The following HECTD2 variants were observed in gnomAD, a reference collection of about 807,000 sequenced individuals.
HECTD2 encodes HECT domain E3 ubiquitin protein ligase 2.
A neutral mutation model predicts 103.2 loss-of-function variants in HECTD2; 35 were observed. The ratio of observed to expected loss-of-function variants is 0.34; its 90% CI spans 0.26 to 0.45. The LOEUF (loss-of-function observed/expected upper bound fraction) is 0.45, where lower values mean the gene tolerates loss of function less well. Among genes scored for constraint, HECTD2 ranks in the 20% least tolerant of loss-of-function variants. The pLI is 1.00. For synonymous variants in HECTD2, 281 were observed against 329.9 expected, an observed-to-expected ratio of 0.85 and a Z score of 1.61; for missense variants, 596 against 937.4, an observed-to-expected ratio of 0.64 and a Z score of 4.76.
chr10:91,450,748 C>G (rs955477847), intron 2 of HECTD2, among the ~76,000 whole-genome samples: 8 of 151,590 alleles, frequency 5.3e-5, no homozygotes, highest in African/African-American at 1.5e-4. Context: ...GACATTTATG[C>G]AGCCAACAAA....
At chr10:91,431,500 G>A (rs982979058) in intron 2 of HECTD2, among the ~76,000 whole-genome samples, 47 of 152,030 alleles carry the variant, frequency 3.1e-4, no homozygotes, top group African/African-American at 7.2e-4. Flanking sequence ...CATTCTCCCC[G>A]TCACTTTCAG....
At chr10:91,433,719 G>T (rs191690811) in intron 2 of HECTD2, among the ~76,000 whole-genome samples, 1 of 151,870 alleles carries the variant, frequency 6.6e-6, no homozygotes, top group Non-Finnish European at 1.5e-5. Flanking sequence ...TGGGGTTGTT[G>T]GGCCCAGGAG....
At chr10:91,463,147 A>G (rs1415465948) in intron 5 of HECTD2, 1 of 152,114 alleles carries the variant, frequency 6.6e-6, no homozygotes, top group Non-Finnish European at 1.5e-5. Flanking sequence ...AAGCTTAACT[A>G]CTAATAACCT....
chr10:91,418,779 T>C (rs1843234110), intron 1 of HECTD2, among the ~76,000 whole-genome samples: 1 of 152,146 alleles, frequency 6.6e-6, no homozygotes, highest in Admixed American at 6.6e-5. Context: ...ATGGCTCTGA[T>C]TGGTAGTTTA....
At chr10:91,473,951 T>G (rs1362588190) in intron 5 of HECTD2, among the ~76,000 whole-genome samples, 1 of 152,144 alleles carries the variant, frequency 6.6e-6, no homozygotes, top group Non-Finnish European at 1.5e-5. Flanking sequence ...CAACTGTATT[T>G]ATGTGTCACC....
intron 11 of HECTD2, 22 bp from the exon 12 acceptor site, chr10:91,491,178 G>T (rs767268111): frequency 4.8e-6 from 6 of 1,250,236 alleles, no homozygotes; most frequent in Non-Finnish European, 7.0e-6. Flanking sequence ...AAGCAAAACT[G>T]TTTACTTTCT....
intron 20 of HECTD2, among the ~76,000 whole-genome samples, chr10:91,511,663 G>A (rs1029068899): frequency 2.0e-5 from 3 of 152,038 alleles, no homozygotes; most frequent in African/African-American, 2.4e-5. Context: ...TTCCTTGCAC[G>A]TGCAGTTCAC....
chr10:91,410,209 G>C (rs1450383442), upstream of HECTD2: 1 of 152,002 alleles, frequency 6.6e-6, no homozygotes, highest in Non-Finnish European at 1.5e-5. Context: ...GCGAGAGCAA[G>C]AAACCTGTGG....
intron 1 of HECTD2, 81 bp downstream of exon 1, chr10:91,410,657 GGCC>G: frequency 7.9e-7 from 1 of 1,262,326 alleles, no homozygotes; most frequent in African/African-American, 1.6e-5. Flanking sequence ...GCCGTCAGGA[GGCC>G]TGCGTTTACC....
chr10:91,427,096 C>G (rs1288753041), intron 2 of HECTD2, among the ~76,000 whole-genome samples: 1 of 145,282 alleles, frequency 6.9e-6, no homozygotes, highest in Non-Finnish European at 1.5e-5. Context: ...TGAGAACATG[C>G]GGTGTTTGGT....
intron 5 of HECTD2, among the ~76,000 whole-genome samples, chr10:91,473,870 T>G (rs1168038450): frequency 6.6e-6 from 1 of 151,902 alleles, no homozygotes; most frequent in African/African-American, 2.4e-5. Context: ...TTTGGGGGAG[T>G]CAAAAGTTAT....
intron 2 of HECTD2, among the ~76,000 whole-genome samples, chr10:91,439,358 G>C (rs1228119710): frequency 6.6e-6 from 1 of 152,058 alleles, no homozygotes; most frequent in Non-Finnish European, 1.5e-5. Flanking sequence ...GATTGTTTTT[G>C]TCAGATTTGT....
chr10:91,452,738 T>C (rs1019637648), intron 2 of HECTD2, among the ~76,000 whole-genome samples: 5 of 152,162 alleles, frequency 3.3e-5, no homozygotes, highest in Non-Finnish European at 5.9e-5. Context: ...AAAAAGGCAT[T>C]GAAATAACAG....
At chr10:91,473,697 T>C (rs1845808372) in intron 5 of HECTD2, among the ~76,000 whole-genome samples, 1 of 152,222 alleles carries the variant, frequency 6.6e-6, no homozygotes, top group African/African-American at 2.4e-5. Flanking sequence ...TTGCTTCCAC[T>C]TAATAAACAG....
intron 2 of HECTD2, among the ~76,000 whole-genome samples, chr10:91,436,535 A>T (rs1018932757): frequency 3.9e-5 from 6 of 152,040 alleles, no homozygotes; most frequent in African/African-American, 1.4e-4. Context: ...TAGTTTTTAT[A>T]ACCTCATCTG....
Position 91,478,127 on chromosome 10 carries a change from G to A in HECTD2, c.601-74G>A. On this transcript the variant is annotated intron_variant, in intron 5 of 20. Transcript: ENST00000298068. ...TGATTTTAACTATTGAAACAGATCT[G>A]TAAATATAATTAACATATAAACGTC... is the stretch of plus-strand genomic sequence containing the variant. The A allele has an allele frequency of 5.2e-6, 5 of 963,126 alleles. No homozygotes were observed. The South Asian group carries it at 5.4e-5, about 10-fold the overall frequency. The allele number at this position is 963,126 out of a possible 1,614,324, so 59.7% of individuals were successfully genotyped here. A position where few individuals can be genotyped will look rare whatever the true frequency, so the allele number is the denominator to read the frequency against.
intron 15 of HECTD2, 24 bp downstream of exon 15, chr10:91,496,396 T>G: frequency 6.4e-7 from 1 of 1,556,384 alleles, no homozygotes; most frequent in Non-Finnish European, 8.8e-7. Context: ...TATTAATATC[T>G]TGTCCTTTAA....
chr10:91,428,905 C>G (rs1843703393), intron 2 of HECTD2, among the ~76,000 whole-genome samples: 1 of 151,894 alleles, frequency 6.6e-6, no homozygotes, highest in African/African-American at 2.4e-5. Context: ...CCAGAACTTC[C>G]AACACTATGT....
chr10:91,434,500 T>G (rs1844029556), intron 2 of HECTD2, among the ~76,000 whole-genome samples: 1 of 152,052 alleles, frequency 6.6e-6, no homozygotes, highest in Non-Finnish European at 1.5e-5. Context: ...GTCAAAACAT[T>G]TATAGAATGA....
Sources: gnomAD v4.1 joint callset for allele counts (sites outside exome capture counted in the v4.1 genomes callset) on GRCh38, gnomAD v4.1.1 for gene constraint, MANE v1.5 for transcripts, NCBI Gene and HGNC (gene_info 2026-07-23, HGNC 2026-07-21) for gene names.